DCAF8L2: variants seen among roughly 807,000 people sequenced by gnomAD.
The protein encoded by DCAF8L2 is DDB1 and CUL4 associated factor 8 like 2.
For missense variants in DCAF8L2, 430 were observed against 490.7 expected, an observed-to-expected ratio of 0.88 and a Z score of 1.17; for synonymous variants, 200 against 190.9, an observed-to-expected ratio of 1.05 and a Z score of -0.39.
At chrX:27,618,682 G>T (rs1927591019) in intron 1 of DCAF8L2, among the ~76,000 whole-genome samples, 1 of 110,951 alleles carries the variant, frequency 9.0e-6, no homozygotes, top group African/African-American at 3.3e-5. Flanking sequence ...GCTTGAAATT[G>T]ATTTGAACCC....
chrX:27,513,442 C>G, the DCAF8L2 span, among the ~76,000 whole-genome samples: 4 of 111,690 alleles, frequency 3.6e-5, no homozygotes, highest in Non-Finnish European at 5.6e-5. Flanking sequence ...CATGGTGGCT[C>G]ACACCTGTAA....
At chrX:27,599,331 A>G (rs1275454537) in intron 1 of DCAF8L2, among the ~76,000 whole-genome samples, 1 of 111,400 alleles carries the variant, frequency 9.0e-6, no homozygotes, top group African/African-American at 3.3e-5. Flanking sequence ...TCAAACTCAT[A>G]GAAACAGAGA....
chrX:27,494,040 A>G, the DCAF8L2 span, among the ~76,000 whole-genome samples: 1 of 111,845 alleles, frequency 8.9e-6, no homozygotes, highest in Non-Finnish European at 1.9e-5. Context: ...TTTGGTTACT[A>G]CATATAATGC....
intron 3 of DCAF8L2, among the ~76,000 whole-genome samples, chrX:27,684,523 G>A (rs1279086451): frequency 9.0e-6 from 1 of 111,702 alleles, no homozygotes; most frequent in African/African-American, 3.3e-5. Flanking sequence ...AAGAGGTTGA[G>A]ACTAGTCCAG....
intron 3 of DCAF8L2, among the ~76,000 whole-genome samples, chrX:27,698,416 G>C (rs956057720): frequency 1.8e-5 from 2 of 111,551 alleles, no homozygotes; most frequent in African/African-American, 6.5e-5. Context: ...GGCTACCAGA[G>C]AACTTGTAGG....
intron 3 of DCAF8L2, among the ~76,000 whole-genome samples, chrX:27,714,705 A>G (rs910030129): frequency 6.3e-5 from 7 of 111,451 alleles, no homozygotes; most frequent in Non-Finnish European, 1.3e-4. Flanking sequence ...TGAGAAAATC[A>G]TGTTTTCTGA....
rs768507589 is a variant in DCAF8L2 at position 27,748,742 on chromosome X, A to G, written c.1847A>G (p.Glu616Gly). The change falls in exon 5 of 5, where the codon GAG becomes GGG. Residue 616 changes from glutamate to glycine, a missense_variant. Coordinates refer to ENST00000451261, the MANE Select transcript of DCAF8L2 (RefSeq NM_001353450.2). ...EESDESSSTS[E>G]TSEEEVQDRV... ...TCGGATGAGTCTTCCAGCACTTCAG[A>G]GACATCTGAGGAGGAGGTCCAAGAC... The G allele has an allele frequency of 2.5e-6, 3 of 1,205,133 alleles. No homozygotes were observed. The highest frequency in any genetic ancestry group is 3.4e-6 in the Non-Finnish European group (3 of 891,944).
intron 3 of DCAF8L2, among the ~76,000 whole-genome samples, chrX:27,692,402 G>C (rs776875849): frequency 8.9e-6 from 1 of 111,902 alleles, no homozygotes; most frequent in East Asian, 2.8e-4. Flanking sequence ...AATTTTTGGT[G>C]TCCCAATGGG....
At chrX:27,553,340 A>G in the DCAF8L2 span, among the ~76,000 whole-genome samples, 5 of 111,404 alleles carry the variant, frequency 4.5e-5, no homozygotes, top group Non-Finnish European at 9.4e-5. Flanking sequence ...TTCATTGTTT[A>G]TAGTGGGTTG....
intron 1 of DCAF8L2, among the ~76,000 whole-genome samples, chrX:27,612,819 GT>G (rs1255991692): frequency 1.8e-5 from 2 of 111,489 alleles, no homozygotes; most frequent in African/African-American, 6.5e-5. Flanking sequence ...CTCTGTTTTG[GT>G]TGCCAGTACC....
intron 4 of DCAF8L2, among the ~76,000 whole-genome samples, chrX:27,722,692 T>C (rs1931941262): frequency 1.8e-5 from 2 of 110,864 alleles, no homozygotes; most frequent in African/African-American, 6.5e-5. Context: ...AGCACATGTT[T>C]ATTATAATAT....
chrX:27,674,754 A>G (rs1441196450), intron 2 of DCAF8L2, among the ~76,000 whole-genome samples: 2 of 111,695 alleles, frequency 1.8e-5, no homozygotes, highest in African/African-American at 6.5e-5. Context: ...ACAGGTTTCC[A>G]CTTGCAGCAG....
chrX:27,537,509 T>C, the DCAF8L2 span, among the ~76,000 whole-genome samples: 9 of 112,532 alleles, frequency 8.0e-5, no homozygotes, highest in African/African-American at 2.9e-4. Flanking sequence ...TGTGTTTTAT[T>C]GTTTAAATAC....
the DCAF8L2 span, among the ~76,000 whole-genome samples, chrX:27,563,157 T>A: frequency 1.8e-5 from 2 of 111,550 alleles, no homozygotes; most frequent in Admixed American, 1.9e-4. Flanking sequence ...CGAACTGGTT[T>A]CTCTGGATGA....
At chrX:27,528,817 G>T in the DCAF8L2 span, among the ~76,000 whole-genome samples, 11 of 110,988 alleles carry the variant, frequency 9.9e-5, no homozygotes, top group African/African-American at 3.3e-4. Context: ...ATAATACTAT[G>T]CAGGATTGTG....
chrX:27,557,787 A>G, the DCAF8L2 span, among the ~76,000 whole-genome samples: 52 of 97,101 alleles, frequency 5.4e-4, no homozygotes, highest in African/African-American at 1.5e-3. Context: ...GCCCTTCCTT[A>G]TAAGTGGATC....
At chrX:27,513,480 G>A in the DCAF8L2 span, among the ~76,000 whole-genome samples, 34 of 111,704 alleles carry the variant, frequency 3.0e-4, no homozygotes, top group Admixed American at 2.8e-3. Flanking sequence ...GCCGAGGTGG[G>A]TGGATCATGA....
the DCAF8L2 span, among the ~76,000 whole-genome samples, chrX:27,487,264 C>CTTTTG: frequency 0.023 from 2,476 of 105,694 alleles, 91 homozygotes; most frequent in African/African-American, 0.078. Flanking sequence ...TCTGATTTTA[C>CTTTTG]TTTTGTTTTG....
intron 4 of DCAF8L2, among the ~76,000 whole-genome samples, chrX:27,722,697 T>C (rs773349741): frequency 1.8e-5 from 2 of 110,760 alleles, no homozygotes; most frequent in Non-Finnish European, 3.8e-5. Context: ...ATGTTTATTA[T>C]AATATACTGC....
Sources: allele counts gnomAD v4.1 joint callset (sites outside exome capture counted in the v4.1 genomes callset), GRCh38; gene constraint gnomAD v4.1.1; transcripts MANE v1.5; gene names NCBI Gene and HGNC (gene_info 2026-07-23, HGNC 2026-07-21).